The following KCNB2 variants were observed in gnomAD, a reference collection of about 807,000 sequenced individuals.
KCNB2 encodes delayed rectifier potassium channel protein.
In KCNB2, 15 loss-of-function variants were observed where a neutral mutation model predicts 61.5. The observed-to-expected ratio is 0.24, with a 90% confidence interval of 0.16 to 0.38. The LOEUF (loss-of-function observed/expected upper bound fraction) is 0.38, where lower values mean the gene tolerates loss of function less well. Among genes scored for constraint, KCNB2 ranks in the 10% least tolerant of loss-of-function variants. The pLI, the probability that KCNB2 is intolerant of heterozygous loss-of-function variation, is 1.00. For missense variants in KCNB2, 828 were observed against 1,125.2 expected (o/e 0.74, Z 3.78); for synonymous variants, 457 against 446.0 (o/e 1.02, Z -0.31).
intron 2 of KCNB2, among the ~76,000 whole-genome samples, chr8:72,595,805 C>T (rs1807180412): frequency 6.6e-6 from 1 of 152,178 alleles, no homozygotes; most frequent in Non-Finnish European, 1.5e-5. Flanking sequence ...GATTGGTGAG[C>T]TCGTGGACCA....
intron 2 of KCNB2, among the ~76,000 whole-genome samples, chr8:72,716,787 A>C (rs1249890391): frequency 1.3e-5 from 2 of 152,146 alleles, no homozygotes; most frequent in Admixed American, 1.3e-4. Flanking sequence ...ACTCCTATTC[A>C]ACATAGTGTT....
chr8:72,858,223 T>G (rs73686548), intron 2 of KCNB2, among the ~76,000 whole-genome samples: 1 of 152,224 alleles, frequency 6.6e-6, no homozygotes, highest in Non-Finnish European at 1.5e-5. Flanking sequence ...TATTACATTC[T>G]AGTTCAGATA....
At chr8:72,893,623 C>T (rs997106329) in intron 2 of KCNB2, among the ~76,000 whole-genome samples, 1 of 152,148 alleles carries the variant, frequency 6.6e-6, no homozygotes, top group Admixed American at 6.6e-5. Context: ...CAACTCATTA[C>T]TATTATCCCA....
chr8:72,854,267 C>T (rs976471632), intron 2 of KCNB2, among the ~76,000 whole-genome samples: 4 of 152,100 alleles, frequency 2.6e-5, no homozygotes, highest in Admixed American at 6.6e-5. Context: ...TAAAACCTCA[C>T]GTTCTTACAT....
intron 2 of KCNB2, among the ~76,000 whole-genome samples, chr8:72,658,072 A>T (rs1563551022): frequency 6.6e-6 from 1 of 152,150 alleles, no homozygotes; most frequent in Non-Finnish European, 1.5e-5. Context: ...GGGAAGAGTC[A>T]CTTTTTCTTC....
intron 2 of KCNB2, among the ~76,000 whole-genome samples, chr8:72,586,861 G>A (rs1171510475): frequency 6.6e-6 from 1 of 152,136 alleles, no homozygotes; most frequent in African/African-American, 2.4e-5. Context: ...TAGGACCTGG[G>A]TCACTTCCAG....
chr8:72,767,531 C>T (rs1808479471), intron 2 of KCNB2, among the ~76,000 whole-genome samples: 1 of 137,000 alleles, frequency 7.3e-6, no homozygotes, highest in African/African-American at 2.9e-5. Context: ...TTTTAAGGTT[C>T]ATCCATATTA....
chr8:72,830,373 A>T (rs1449934087), intron 2 of KCNB2, among the ~76,000 whole-genome samples: 1 of 152,088 alleles, frequency 6.6e-6, no homozygotes, highest in Non-Finnish European at 1.5e-5. Flanking sequence ...CTCAACCAAG[A>T]TGGACCCATT....
intron 2 of KCNB2, among the ~76,000 whole-genome samples, chr8:72,630,657 C>T (rs942081794): frequency 6.6e-6 from 1 of 152,132 alleles, no homozygotes; most frequent in African/African-American, 2.4e-5. Flanking sequence ...CAGACTTGAC[C>T]TTACTAATAC....
chr8:72,798,464 G>A (rs562003870), intron 2 of KCNB2, among the ~76,000 whole-genome samples: 40 of 152,224 alleles, frequency 2.6e-4, no homozygotes, highest in Non-Finnish European at 3.5e-4. Flanking sequence ...GGTTCACTAA[G>A]TGCTTGTGAA....
chr8:72,820,867 A>G (rs971801050), intron 2 of KCNB2, among the ~76,000 whole-genome samples: 5 of 152,282 alleles, frequency 3.3e-5, no homozygotes, highest in African/African-American at 1.2e-4. Context: ...TGGTTCTGCT[A>G]GTGTCTTCTG....
Position 72,767,360 on chromosome 8 carries a change from CACA to C in KCNB2, c.580-168571_580-168569del, listed in dbSNP as rs527634499. Among the ~76,000 whole-genome samples the C allele has an allele frequency of 2.5e-4, 38 of 152,252 alleles. No homozygotes were observed. The South Asian group carries it at 7.3e-3, about 29-fold the overall frequency. On this transcript the variant is annotated intron_variant, in intron 2 of 2. Coordinates refer to ENST00000523207, the MANE Select transcript of KCNB2 (RefSeq NM_004770.3). ...CACACTCATCACCACAATGTAAGTT[CACA>C]ACATTTTTGTTCCCCAAACAGAAAT...
chr8:72,791,928 T>C (rs1189510601), intron 2 of KCNB2, among the ~76,000 whole-genome samples: 1 of 152,172 alleles, frequency 6.6e-6, no homozygotes, highest in Non-Finnish European at 1.5e-5. Flanking sequence ...GCCTACTTCT[T>C]TAGTACTTAT....
chr8:72,703,206 G>A (rs1392954234), intron 2 of KCNB2, among the ~76,000 whole-genome samples: 1 of 152,198 alleles, frequency 6.6e-6, no homozygotes, highest in East Asian at 1.9e-4. Flanking sequence ...GGAGGCAGGA[G>A]TTTAACCATC....
chr8:72,769,064 G>A (rs570970673), intron 2 of KCNB2, among the ~76,000 whole-genome samples: 1 of 152,232 alleles, frequency 6.6e-6, no homozygotes, highest in East Asian at 1.9e-4. Flanking sequence ...GGAGGCTGAG[G>A]CAGGAGAATT....
At chr8:72,674,876 A>G (rs998846666) in intron 2 of KCNB2, among the ~76,000 whole-genome samples, 2 of 152,232 alleles carry the variant, frequency 1.3e-5, no homozygotes, top group African/African-American at 4.8e-5. Context: ...AGTGTTGGAT[A>G]TAGTGATACC....
At chr8:72,782,401 C>A (rs1404437526) in intron 2 of KCNB2, among the ~76,000 whole-genome samples, 1 of 152,126 alleles carries the variant, frequency 6.6e-6, no homozygotes, top group East Asian at 1.9e-4. Context: ...CACCACGACT[C>A]TCTCCCCTCT....
intron 2 of KCNB2, among the ~76,000 whole-genome samples, chr8:72,865,360 C>G (rs1342053051): frequency 6.6e-6 from 1 of 152,124 alleles, no homozygotes; most frequent in East Asian, 1.9e-4. Flanking sequence ...GTGCCCAGGC[C>G]TATGCCTCAG....
chr8:72,779,731 G>C (rs1808722302), intron 2 of KCNB2, among the ~76,000 whole-genome samples: 1 of 152,128 alleles, frequency 6.6e-6, no homozygotes, highest in Non-Finnish European at 1.5e-5. Context: ...ATGAGGAAAA[G>C]GTGCCAGGTC....
Sources: allele counts gnomAD v4.1 joint callset (sites outside exome capture counted in the v4.1 genomes callset), GRCh38; gene constraint gnomAD v4.1.1; transcripts MANE v1.5; gene names NCBI Gene and HGNC (gene_info 2026-07-23, HGNC 2026-07-21).